The following CTNNA3 variants were observed in gnomAD, a reference collection of about 807,000 sequenced individuals.
CTNNA3 encodes catenin alpha-3.
A neutral mutation model predicts 95.7 loss-of-function variants in CTNNA3; 76 were observed. The ratio of observed to expected loss-of-function variants is 0.79; its 90% CI spans 0.66 to 0.96. CTNNA3 has a LOEUF of 0.96. CTNNA3 is among the 40% of genes least tolerant of loss of function. CTNNA3 has a pLI of 0.00. For synonymous variants in CTNNA3, 431 were observed against 374.4 expected (o/e 1.15, Z -1.74); for missense variants, 1,191 against 1,089.8 (o/e 1.09, Z -1.31).
chr10:66,176,384 A>G (rs1410710169), intron 13 of CTNNA3, among the ~76,000 whole-genome samples: 1 of 152,112 alleles, frequency 6.6e-6, no homozygotes, highest in Admixed American at 6.6e-5. Flanking sequence ...TAAATTACTG[A>G]AGTCTTTGGA....
intron 1 of CTNNA3, among the ~76,000 whole-genome samples, chr10:67,658,360 T>C (rs891374650): frequency 7.1e-4 from 108 of 152,306 alleles, no homozygotes; most frequent in African/African-American, 2.4e-3. Context: ...CATTAGTTGA[T>C]ATCATTATCC....
chr10:66,359,036 C>T (rs1589135654), intron 12 of CTNNA3, among the ~76,000 whole-genome samples: 1 of 152,182 alleles, frequency 6.6e-6, no homozygotes, highest in Non-Finnish European at 1.5e-5. Flanking sequence ...GAATCATGCT[C>T]TCCTTCTCAG....
chr10:65,977,471 A>T (rs17241798), intron 16 of CTNNA3, among the ~76,000 whole-genome samples: 32,712 of 152,098 alleles, frequency 0.22, 4,008 homozygotes, highest in Middle Eastern at 0.35. Flanking sequence ...TGGAGCCTAA[A>T]CTTTAAGAAA....
At chr10:67,337,812 A>T (rs1564577096) in intron 5 of CTNNA3, among the ~76,000 whole-genome samples, 1 of 152,224 alleles carries the variant, frequency 6.6e-6, no homozygotes, top group Non-Finnish European at 1.5e-5. Context: ...AGCATTTAGC[A>T]ATAAAGTATT....
chr10:67,484,312 A>T (rs2133062460), intron 5 of CTNNA3, among the ~76,000 whole-genome samples: 2 of 152,318 alleles, frequency 1.3e-5, no homozygotes, highest in Admixed American at 1.3e-4. Context: ...ACCACATATA[A>T]AAATTAACTC....
chr10:67,412,176 A>G (rs1845391512), intron 5 of CTNNA3, among the ~76,000 whole-genome samples: 1 of 152,182 alleles, frequency 6.6e-6, no homozygotes, highest in Non-Finnish European at 1.5e-5. Flanking sequence ...CATCAAGTAT[A>G]TTATATGTAT....
chr10:67,256,880 C>G (rs928672054), intron 5 of CTNNA3, among the ~76,000 whole-genome samples: 2 of 151,680 alleles, frequency 1.3e-5, no homozygotes, highest in Non-Finnish European at 2.9e-5. Flanking sequence ...ATTTTTAGAA[C>G]AAAATCAATT....
chr10:66,470,585 C>CA (rs1839090824), intron 11 of CTNNA3, among the ~76,000 whole-genome samples: 2 of 151,732 alleles, frequency 1.3e-5, no homozygotes. Flanking sequence ...AAACCTGAGG[C>CA]ATTCATTGTA....
rs927076415 is a variant in CTNNA3, at chr10:67,446,933, G to A, written c.579+74909C>T. On this transcript the variant is annotated intron_variant, in intron 5 of 17. Transcript: ENST00000433211. ...ATCCTGGCTAACACGGTGAAACCCC[G>A]TCTCTCCTAAAAATACAAAATATTA... is the stretch of plus-strand genomic sequence containing the variant. Among the ~76,000 whole-genome samples, 116 of 152,024 alleles carry A rather than the reference G, an allele frequency of 7.6e-4. 2 individuals are homozygous for A. The highest frequency in any genetic ancestry group is 1.1e-3 in the Admixed American group (17 of 15,244).
chr10:66,511,803 T>C, intron 11 of CTNNA3, among the ~76,000 whole-genome samples: 1 of 151,982 alleles, frequency 6.6e-6, no homozygotes, highest in Non-Finnish European at 1.5e-5. Context: ...TAGAGAATGT[T>C]CCATCTGCTG....
At chr10:66,617,371 G>A (rs1349015870) in intron 10 of CTNNA3, among the ~76,000 whole-genome samples, 1 of 152,078 alleles carries the variant, frequency 6.6e-6, no homozygotes, top group Non-Finnish European at 1.5e-5. Context: ...CCATGATCAA[G>A]TGGGCTTCAT....
chr10:66,695,917 G>GT (rs71035168), intron 9 of CTNNA3, among the ~76,000 whole-genome samples: 3 of 4,094 alleles, frequency 7.3e-4, no homozygotes, highest in Admixed American at 4.3e-3. Context: ...AGAGACGTAA[G>GT]GGGGGGGGGC....
At chr10:66,881,690 ACT>A (rs1252170631) in intron 7 of CTNNA3, among the ~76,000 whole-genome samples, 1 of 152,052 alleles carries the variant, frequency 6.6e-6, no homozygotes, top group African/African-American at 2.4e-5. Flanking sequence ...CTGATCAGCA[ACT>A]CTCTTTTTCA....
intron 13 of CTNNA3, among the ~76,000 whole-genome samples, chr10:66,191,081 G>A (rs1453734560): frequency 6.6e-6 from 1 of 152,078 alleles, no homozygotes; most frequent in African/African-American, 2.4e-5. Flanking sequence ...GAGGCAGGTG[G>A]ACAGGACTTT....
intron 16 of CTNNA3, among the ~76,000 whole-genome samples, chr10:65,982,890 T>C (rs1037316997): frequency 2.0e-5 from 3 of 151,518 alleles, no homozygotes; most frequent in Non-Finnish European, 4.4e-5. Context: ...CATGATATAA[T>C]GAAGGCTCCA....
chr10:67,199,250 T>C (rs972657839), intron 6 of CTNNA3, among the ~76,000 whole-genome samples: 5 of 152,140 alleles, frequency 3.3e-5, no homozygotes, highest in Non-Finnish European at 7.4e-5. Flanking sequence ...AAGAGAACAT[T>C]TAAGTGATAA....
At chr10:67,150,224 T>C (rs545334222) in intron 7 of CTNNA3, among the ~76,000 whole-genome samples, 2 of 152,316 alleles carry the variant, frequency 1.3e-5, no homozygotes, top group Admixed American at 1.3e-4. Flanking sequence ...TGCTTAAATG[T>C]GTATTTGGAA....
At chr10:67,220,739 G>A (rs1010451621) in intron 5 of CTNNA3, among the ~76,000 whole-genome samples, 2 of 152,084 alleles carry the variant, frequency 1.3e-5, no homozygotes, top group African/African-American at 2.4e-5. Context: ...CTAAGTGATA[G>A]GCGATCAGAA....
chr10:66,676,251 G>A (rs1589109759), intron 9 of CTNNA3, among the ~76,000 whole-genome samples: 1 of 152,006 alleles, frequency 6.6e-6, no homozygotes, highest in East Asian at 1.9e-4. Context: ...TGGCTGCTGG[G>A]ATAGGAAAAG....
Sources: allele counts gnomAD v4.1 joint callset (sites outside exome capture counted in the v4.1 genomes callset), GRCh38; gene constraint gnomAD v4.1.1; transcripts MANE v1.5; gene names NCBI Gene and HGNC (gene_info 2026-07-23, HGNC 2026-07-21).